The following SERPINA1 variants were observed in gnomAD, a reference collection of about 807,000 sequenced individuals.
The protein encoded by SERPINA1 is serpin family A member 1, also known as alpha-1-antitrypsin.
A neutral mutation model predicts 25.4 loss-of-function variants in SERPINA1; 21 were observed. The observed-to-expected ratio is 0.83, with a 90% CI of 0.59 to 1.19. The LOEUF is 1.19. Among genes scored for constraint, SERPINA1 ranks in the 50% most tolerant of loss-of-function variants. The pLI is 0.00. For missense variants in SERPINA1, 546 were observed against 509.0 expected, an observed-to-expected ratio of 1.07 and a Z score of -0.70; for synonymous variants, 218 against 211.1, an observed-to-expected ratio of 1.03 and a Z score of -0.29.
intron 1 of SERPINA1, among the ~76,000 whole-genome samples, chr14:94,385,473 C>A (rs1288615348): frequency 6.6e-6 from 1 of 152,228 alleles, no homozygotes; most frequent in East Asian, 1.9e-4. Context: ...GGATTACAGG[C>A]GTGTGCCACC....
intron 1 of SERPINA1, among the ~76,000 whole-genome samples, chr14:94,386,117 A>G (rs186037433): frequency 5.9e-5 from 9 of 152,336 alleles, no homozygotes; most frequent in Non-Finnish European, 1.3e-4. Context: ...TGGCCCTTCT[A>G]TCAGAGGCAG....
chr14:94,383,269 C>A, intron 1 of SERPINA1, 28 bp from the exon 2 acceptor site: 4 of 1,600,544 alleles, frequency 2.5e-6, no homozygotes, highest in Non-Finnish European at 3.4e-6. Context: ...GGGGGCCAGG[C>A]CCCGAGTCAA....
chr14:94,385,211 C>T (rs1439645541), intron 1 of SERPINA1, among the ~76,000 whole-genome samples: 1 of 152,226 alleles, frequency 6.6e-6, no homozygotes, highest in Non-Finnish European at 1.5e-5. Flanking sequence ...CCTGGCAGGG[C>T]CATCACTATC....
rs762334795 is a variant in SERPINA1 at position 94,380,843 on chromosome 14, C to T, written c.917+28G>A. ...CATGGCTAAGAGGTGTGGGCAGCTT[C>T]TTGGTCACCCTCAGGTTGGGGAATC... On this transcript the variant is annotated intron_variant, in intron 3 of 4. Transcript: ENST00000393087. 9 of 1,614,076 alleles carry T rather than the reference C, an allele frequency of 5.6e-6. No homozygotes were observed. The East Asian group carries it at 2.0e-4, about 36-fold the overall frequency.
In SERPINA1 at chr14:94,380,915, G is replaced by A. The variant is rs779573811; in HGVS notation, c.873C>T (p.Leu291=). The A allele has an allele frequency of 1.1e-5, 18 of 1,614,096 alleles. No homozygotes were observed. The highest frequency in any genetic ancestry group is 1.6e-4 in the Middle Eastern group (1 of 6,082). The change falls in exon 3 of 5, where the codon CTC becomes CTT. Residue 291 remains leucine, a synonymous_variant. Transcript: ENST00000393087. ...EGKLQHLENE[L]THDIITKFLE... ...GGAACTTGGTGATGATATCGTGGGT[G>A]AGTTCATTTTCCAGGTGCTGTAGTT...
intron 3 of SERPINA1, among the ~76,000 whole-genome samples, chr14:94,380,215 C>T (rs79386980): frequency 1.3e-5 from 2 of 151,222 alleles, no homozygotes; most frequent in African/African-American, 4.9e-5. Flanking sequence ...ATGAACCCGA[C>T]ACCTTTTGTA....
intron 1 of SERPINA1, among the ~76,000 whole-genome samples, chr14:94,387,718 G>A (rs186666761): frequency 4.6e-5 from 7 of 152,168 alleles, no homozygotes; most frequent in Admixed American, 3.9e-4. Context: ...CTGGAGCCAG[G>A]TGCCTGAGCC....
At chr14:94,389,865 G>A (rs528784367), upstream of SERPINA1, 1 of 152,374 alleles carries the variant, frequency 6.6e-6, no homozygotes, top group East Asian at 1.9e-4. Flanking sequence ...TGAGGCCTCA[G>A]GTGAGTTGTT....
chr14:94,380,382 C>T (rs754433808), intron 3 of SERPINA1, among the ~76,000 whole-genome samples: 1 of 152,214 alleles, frequency 6.6e-6, no homozygotes, highest in Non-Finnish European at 1.5e-5. Flanking sequence ...GACAGAGAAA[C>T]GCAAGCCTTC....
intron 1 of SERPINA1, among the ~76,000 whole-genome samples, chr14:94,386,879 C>T (rs190781153): frequency 1.3e-5 from 2 of 152,274 alleles, no homozygotes; most frequent in South Asian, 2.1e-4. Context: ...TTACAGGCAC[C>T]GTATCATCTA....
intron 3 of SERPINA1, 106 bp from the exon 4 acceptor site, chr14:94,379,717 C>T (rs1440973173): frequency 6.9e-7 from 1 of 1,449,030 alleles, no homozygotes; most frequent in Non-Finnish European, 9.5e-7. Flanking sequence ...CTGCCACTTA[C>T]TCCTGTGTCC....
intron 2 of SERPINA1, 27 bp from the exon 3 acceptor site, chr14:94,381,168 C>G (rs1424370498): frequency 1.2e-6 from 2 of 1,606,814 alleles, no homozygotes; most frequent in African/African-American, 1.3e-5. Flanking sequence ...GTGGGCATCA[C>G]CAGGGGTGAG....
rs1896518413 is a variant in SERPINA1 at position 94,378,407 on chromosome 14, G to T, written c.*42C>A. On this transcript the variant is annotated 3_prime_UTR_variant, in exon 5 of 5. Transcript: ENST00000393087. ...CCCTTCTTTAATGTCATCCAGGGAG[G>T]GGGCCAGGGATGGAGGGGAGGGGTT... The T allele has an allele frequency of 1.3e-6, 2 of 1,536,154 alleles. No homozygotes were observed. The highest frequency in any genetic ancestry group is 1.8e-6 in the Non-Finnish European group (2 of 1,108,896).
intron 1 of SERPINA1, chr14:94,383,889 A>T (rs1897128771): frequency 6.5e-6 from 1 of 152,678 alleles, no homozygotes; most frequent in Non-Finnish European, 1.5e-5. Context: ...AGGGGCTGTG[A>T]TTAAACCTCC....
intron 1 of SERPINA1, among the ~76,000 whole-genome samples, chr14:94,386,744 T>A (rs1897314055): frequency 6.6e-6 from 1 of 152,200 alleles, no homozygotes; most frequent in East Asian, 1.9e-4. Context: ...GAACAGCATC[T>A]GAGTTTGGCA....
intron 3 of SERPINA1, 191 bp downstream of exon 3, chr14:94,380,680 T>C (rs1014817430): frequency 2.8e-6 from 2 of 706,802 alleles, no homozygotes; most frequent in Non-Finnish European, 5.0e-6. Flanking sequence ...GTCCTCCTCA[T>C]GGAGCATGGA....
chr14:94,379,589 T>A lies in SERPINA1; in HGVS notation c.940A>T (p.Lys314Ter). ...TCATAGGTTCCAGTAATGGACAGTTTGGGTAAATGTAAGCTGGCAGACCTG... is the reference window on the plus strand; with the variant it reads ...TCATAGGTTCCAGTAATGGACAGTTAGGGTAAATGTAAGCTGGCAGACCTG... ...DRRSASLHLPKLSITGTYDLK... is the reference protein window; with the variant it reads ...DRRSASLHLP Residue 314 changes from lysine to a stop codon, truncating the protein, a stop_gained, in exon 4 of 5, where the codon AAA becomes TAA. Coordinates refer to ENST00000393087, the MANE Select transcript of SERPINA1 (RefSeq NM_000295.5). LOFTEE classifies it high-confidence loss of function. 1 of 1,614,200 alleles carries A rather than the reference T, an allele frequency of 6.2e-7. No individual in the cohort carries two copies. The highest frequency in any genetic ancestry group is 1.1e-5 in the South Asian group (1 of 91,078).
chr14:94,378,529 G>A lies in SERPINA1; in HGVS notation c.1177C>T (p.Pro393Ser), dbSNP rs61761869. The A allele has an allele frequency of 3.6e-4, 577 of 1,614,126 alleles. No homozygotes were observed. The highest frequency in any genetic ancestry group is 1.8e-3 in the Middle Eastern group (11 of 6,062). ...TGTTCAATCATTAAGAAGACAAAGGGTTTGTTGAACTTGACCTCGGGGGGG... is the reference window on the plus strand; with the variant it reads ...TGTTCAATCATTAAGAAGACAAAGGATTTGTTGAACTTGACCTCGGGGGGG... ...SIPPEVKFNK[P>S]FVFLMIEQNT... The change falls in exon 5 of 5, where the codon CCC (proline) becomes TCC (serine). Residue 393 changes from proline (P) to serine (S), a missense_variant. Coordinates refer to ENST00000393087, the MANE Select transcript of SERPINA1 (RefSeq NM_000295.5).
Position 94,378,044 on chromosome 14 carries a change from G to A in SERPINA1, c.*405C>T, listed in dbSNP as rs937893367. The A allele has an allele frequency of 9.5e-6, 2 of 210,580 alleles. No homozygotes were observed. The highest frequency in any genetic ancestry group is 1.1e-4 in the Admixed American group (2 of 18,876). 13.0% of individuals were successfully genotyped at this position (210,580 alleles called of 1,614,324 possible). A position where few individuals can be genotyped will look rare whatever the true frequency, so the allele number is the denominator to read the frequency against. On this transcript the variant is annotated 3_prime_UTR_variant, in exon 5 of 5. Coordinates refer to ENST00000393087, the MANE Select transcript of SERPINA1 (RefSeq NM_000295.5). ...CAACTCTGGGTGGGGGGGAGTGGGG[G>A]ATGAGCAGGGGGACATGAAGATGCT... is the stretch of plus-strand genomic sequence containing the variant.
Sources: gnomAD v4.1 joint callset for allele counts (sites outside exome capture counted in the v4.1 genomes callset) on GRCh38, gnomAD v4.1.1 for gene constraint, MANE v1.5 for transcripts, NCBI Gene and HGNC (gene_info 2026-07-23, HGNC 2026-07-21) for gene names.